Variants in RNGTT observed in about 807,000 individuals in gnomAD.
RNGTT encodes mRNA-capping enzyme.
In RNGTT, 33 loss-of-function variants were observed where a neutral mutation model predicts 79.3. That is an observed-to-expected ratio of 0.42 (90% CI 0.32 to 0.56). The LOEUF is 0.56. Among genes scored for constraint, RNGTT ranks in the 20% least tolerant of loss-of-function variants. RNGTT has a pLI of 0.17. For synonymous variants in RNGTT, 222 were observed against 235.9 expected, an observed-to-expected ratio of 0.94 and a Z score of 0.54; for missense variants, 497 against 739.1, an observed-to-expected ratio of 0.67 and a Z score of 3.80.
intron 1 of RNGTT, among the ~76,000 whole-genome samples, chr6:88,944,911 C>A (rs2127960145): frequency 6.6e-6 from 1 of 152,292 alleles, no homozygotes; most frequent in South Asian, 2.1e-4. Context: ...GGGGCAACTG[C>A]TATTTTGTAC....
intron 14 of RNGTT, among the ~76,000 whole-genome samples, chr6:88,654,199 T>C (rs1773896289): frequency 1.3e-5 from 2 of 152,234 alleles, no homozygotes; most frequent in African/African-American, 4.8e-5. Context: ...GGTTTTCCTT[T>C]AACCTTCGTT....
At chr6:88,836,822 A>G (rs540282427) in intron 11 of RNGTT, among the ~76,000 whole-genome samples, 1 of 152,264 alleles carries the variant, frequency 6.6e-6, no homozygotes, top group African/African-American at 2.4e-5. Flanking sequence ...ATGGGAGGAG[A>G]AAAAAATTAA....
chr6:88,799,291 T>C (rs1779704096), intron 12 of RNGTT, among the ~76,000 whole-genome samples: 2 of 152,136 alleles, frequency 1.3e-5, no homozygotes, highest in Admixed American at 1.3e-4. Flanking sequence ...GCATGACAAA[T>C]TGATTCTGAA....
chr6:88,737,533 C>A (rs1440258504), intron 13 of RNGTT, among the ~76,000 whole-genome samples: 1 of 152,114 alleles, frequency 6.6e-6, no homozygotes, highest in Non-Finnish European at 1.5e-5. Flanking sequence ...AGCCCTAACG[C>A]CCTTAGCTAT....
intron 14 of RNGTT, among the ~76,000 whole-genome samples, chr6:88,647,943 A>G (rs1773643093): frequency 6.6e-6 from 1 of 150,702 alleles, no homozygotes; most frequent in East Asian, 1.9e-4. Context: ...AGAATCTTCC[A>G]TGGCTTGACC....
intron 14 of RNGTT, among the ~76,000 whole-genome samples, chr6:88,649,963 T>C (rs1246991841): frequency 6.6e-6 from 1 of 152,144 alleles, no homozygotes; most frequent in Non-Finnish European, 1.5e-5. Context: ...AACAGAATTG[T>C]CTTTACTTTT....
chr6:88,819,884 C>A (rs923183340), intron 11 of RNGTT, among the ~76,000 whole-genome samples: 1 of 152,038 alleles, frequency 6.6e-6, no homozygotes. Flanking sequence ...AGCTGCGGAT[C>A]TTTATTTCAC....
Position 88,929,051 on chromosome 6 carries a change from C to T in RNGTT, c.301G>A (p.Glu101Lys). The T allele has an allele frequency of 6.2e-7, 1 of 1,612,792 alleles. No individual in the cohort carries two copies. The highest frequency in any genetic ancestry group is 8.5e-7 in the Non-Finnish European group (1 of 1,179,386). Residue 101 changes from glutamate to lysine, a missense_variant, in exon 4 of 16, where the codon GAG becomes AAG. Glu to Lys is a moderately conservative substitution (Grantham distance 56). Coordinates refer to ENST00000369485, the MANE Select transcript of RNGTT (RefSeq NM_003800.5). ...CKGHGECPTT[E>K]NTETFIRLCE... ...AGACGAATAAAGGTCTCAGTATTCT[C>T]AGTGGTAGGGCACTCACCATGTCTA...
At chr6:88,626,955 G>T (rs1368738602) in intron 14 of RNGTT, among the ~76,000 whole-genome samples, 1 of 152,006 alleles carries the variant, frequency 6.6e-6, no homozygotes, top group Non-Finnish European at 1.5e-5. Context: ...CAAGCATGAT[G>T]AGAATTATAA....
chr6:88,827,697 T>A (rs1405976715), intron 11 of RNGTT, among the ~76,000 whole-genome samples: 8 of 152,156 alleles, frequency 5.3e-5, no homozygotes, highest in Non-Finnish European at 1.2e-4. Flanking sequence ...ATGCTGGAGC[T>A]TGGTGGGGGG....
intron 4 of RNGTT, among the ~76,000 whole-genome samples, chr6:88,906,851 T>A (rs898624320): frequency 6.6e-6 from 1 of 152,186 alleles, no homozygotes; most frequent in Non-Finnish European, 1.5e-5. Context: ...GTCCTCTTCA[T>A]GATCAATGGC....
intron 13 of RNGTT, among the ~76,000 whole-genome samples, chr6:88,723,088 A>C (rs1011279770): frequency 2.0e-5 from 3 of 152,224 alleles, no homozygotes; most frequent in Non-Finnish European, 2.9e-5. Context: ...CTTAGAGATT[A>C]ACTCAGACAG....
rs563005017 is a variant in RNGTT at position 88,654,482 on chromosome 6, T to C, written c.1506+23871A>G. Among the ~76,000 whole-genome samples, 10 of 152,276 alleles carry C rather than the reference T, an allele frequency of 6.6e-5. No homozygotes were observed. The South Asian group carries it at 1.7e-3, about 25-fold the overall frequency. Reference sequence around the variant, plus strand: ...ACATGAAATCACTTGGGAGACAGAGTAGATGTGCAAGGCTCCCCTCTGTTC... The same window carrying C: ...ACATGAAATCACTTGGGAGACAGAGCAGATGTGCAAGGCTCCCCTCTGTTC... On this transcript the variant is annotated intron_variant, in intron 14 of 15. Coordinates refer to ENST00000369485, the MANE Select transcript of RNGTT (RefSeq NM_003800.5).
intron 12 of RNGTT, among the ~76,000 whole-genome samples, chr6:88,772,689 T>C (rs866517511): frequency 1.4e-4 from 21 of 152,120 alleles, no homozygotes; most frequent in South Asian, 4.2e-4. Context: ...CAAAAGAAGA[T>C]ATTTATGCAG....
At chr6:88,627,830 T>C (rs892203529) in intron 14 of RNGTT, among the ~76,000 whole-genome samples, 3 of 152,160 alleles carry the variant, frequency 2.0e-5, no homozygotes, top group Non-Finnish European at 4.4e-5. Context: ...TGGACTCACC[T>C]GAGCAAACAA....
intron 13 of RNGTT, among the ~76,000 whole-genome samples, chr6:88,687,968 G>A (rs1582330945): frequency 6.6e-6 from 1 of 152,092 alleles, no homozygotes; most frequent in Admixed American, 6.6e-5. Context: ...TCAGTATGTT[G>A]AGAGAACCTA....
chr6:88,665,048 AG>A (rs1774346397), intron 14 of RNGTT, among the ~76,000 whole-genome samples: 1 of 152,116 alleles, frequency 6.6e-6, no homozygotes, highest in Non-Finnish European at 1.5e-5. Context: ...TTTGTTAGGA[AG>A]GGACCTGCTT....
At chr6:88,785,818 T>C (rs1779212108) in intron 12 of RNGTT, among the ~76,000 whole-genome samples, 2 of 152,126 alleles carry the variant, frequency 1.3e-5, no homozygotes, top group East Asian at 1.9e-4. Flanking sequence ...TACCTGGCAG[T>C]AGTAAAGATT....
intron 8 of RNGTT, among the ~76,000 whole-genome samples, chr6:88,857,113 A>T (rs1781868494): frequency 1.3e-5 from 2 of 152,112 alleles, no homozygotes; most frequent in African/African-American, 4.8e-5. Flanking sequence ...TTTCTACCAA[A>T]ACTGGAAATA....
Sources: gnomAD v4.1 joint callset for allele counts (sites outside exome capture counted in the v4.1 genomes callset) on GRCh38, gnomAD v4.1.1 for gene constraint, MANE v1.5 for transcripts, NCBI Gene and HGNC (gene_info 2026-07-23, HGNC 2026-07-21) for gene names.